DDX3X: variants seen among roughly 807,000 people sequenced by gnomAD.
DDX3X encodes DEAD-box helicase 3 X-linked, also known as ATP-dependent RNA helicase DDX3X.
DDX3X carries 4 observed loss-of-function variants against 52.7 expected under a neutral mutation model. The ratio of observed to expected loss-of-function variants is 0.08; its 90% confidence interval spans 0.04 to 0.17. The LOEUF (loss-of-function observed/expected upper bound fraction) is 0.17. Ranked by LOEUF, DDX3X falls within the 10% of genes least tolerant of loss-of-function variation. The pLI is 1.00. For missense variants in DDX3X, 222 were observed against 548.6 expected, an observed-to-expected ratio of 0.40 and a Z score of 5.95; for synonymous variants, 192 against 178.1, an observed-to-expected ratio of 1.08 and a Z score of -0.62.
At chrX:41,352,616 A>AGAT, downstream of DDX3X, among the ~76,000 whole-genome samples, 1 of 111,276 alleles carries the variant, frequency 9.0e-6, no homozygotes. Context: ...TGATTAATTT[A>AGAT]GATTAGTCTT....
chrX:41,350,849 T>G (rs779871833), downstream of DDX3X: 1 of 111,875 alleles, frequency 8.9e-6, no homozygotes, highest in Non-Finnish European at 1.9e-5. Flanking sequence ...TTGGTTAGAT[T>G]GAGCCATACT....
At chrX:41,334,137 G>C (rs1194225702), upstream of DDX3X, 5 of 740,350 alleles carry the variant, frequency 6.8e-6, no homozygotes, top group Admixed American at 1.1e-4. Context: ...GGGTATATTA[G>C]ATCCGTGGCC....
Sources: allele counts gnomAD v4.1 joint callset (sites outside exome capture counted in the v4.1 genomes callset), GRCh38; gene constraint gnomAD v4.1.1; transcripts MANE v1.5; gene names NCBI Gene and HGNC (gene_info 2026-07-23, HGNC 2026-07-21).